The following CNNM2 variants were observed in gnomAD, a reference collection of about 807,000 sequenced individuals.
The protein encoded by CNNM2 is cyclin and CBS domain divalent metal cation transport mediator 2.
A neutral mutation model predicts 66.9 loss-of-function variants in CNNM2; 12 were observed. The observed-to-expected ratio is 0.18, with a 90% confidence interval of 0.11 to 0.29. The LOEUF is 0.29. CNNM2 is among the 10% of genes least tolerant of loss of function. The pLI is 1.00. For synonymous variants in CNNM2, 557 were observed against 501.8 expected, an observed-to-expected ratio of 1.11 and a Z score of -1.47; for missense variants, 705 against 1,167.7, an observed-to-expected ratio of 0.60 and a Z score of 5.77.
chr10:102,960,059 T>TAAAA (rs1322504168), intron 1 of CNNM2, among the ~76,000 whole-genome samples: 1 of 147,134 alleles, frequency 6.8e-6, no homozygotes, highest in Non-Finnish European at 1.5e-5. Context: ...CTCAAAAAAA[T>TAAAA]AAAAAATAAA....
At chr10:102,946,429 CTTTTAGGGATA>C in intron 1 of CNNM2, among the ~76,000 whole-genome samples, 1 of 152,144 alleles carries the variant, frequency 6.6e-6, no homozygotes, top group Non-Finnish European at 1.5e-5. Context: ...TTCCATTTTG[CTTTTAGGGATA>C]CCTAAAAGCA....
intron 1 of CNNM2, among the ~76,000 whole-genome samples, chr10:103,019,645 C>A (rs960798864): frequency 6.6e-6 from 1 of 152,116 alleles, no homozygotes; most frequent in African/African-American, 2.4e-5. Flanking sequence ...TCCTCCCAAT[C>A]CTGTGGAGGT....
intron 1 of CNNM2, among the ~76,000 whole-genome samples, chr10:103,028,925 C>T (rs2064767048): frequency 6.8e-6 from 1 of 147,348 alleles, no homozygotes; most frequent in African/African-American, 2.5e-5. Context: ...CAGGTTCAAT[C>T]GATTGTCATG....
chr10:103,031,847 C>CT (rs1564852939), intron 1 of CNNM2, among the ~76,000 whole-genome samples: 1 of 148,902 alleles, frequency 6.7e-6, no homozygotes, highest in Non-Finnish European at 1.5e-5. Flanking sequence ...GCGGGGGGGG[C>CT]GTGAGGGGAT....
intron 2 of CNNM2, among the ~76,000 whole-genome samples, chr10:103,050,643 A>T (rs760503322): frequency 1.3e-5 from 2 of 151,798 alleles, no homozygotes; most frequent in Non-Finnish European, 2.9e-5. Context: ...GAGATGTGCA[A>T]GTGTAGCTTG....
At chr10:103,039,400 G>A (rs533555641) in intron 1 of CNNM2, among the ~76,000 whole-genome samples, 1 of 152,284 alleles carries the variant, frequency 6.6e-6, no homozygotes, top group South Asian at 2.1e-4. Context: ...GCCTCCCAAA[G>A]TGCTGGGATT....
rs1195893983 is a variant in CNNM2, at chr10:103,087,185, A to G, written c.*10005A>G. ...TTTTTTTTTTTTTAAGGAAAAAAGT[A>G]TACCTTTTAAGTTCAGCTTCCTTAA... On this transcript the variant is annotated 3_prime_UTR_variant, in exon 8 of 8. Transcript: ENST00000369878. 1 of 97,508 alleles carries G rather than the reference A, an allele frequency of 1.0e-5. No homozygotes were observed. Among genetic ancestry groups the G allele is most frequent in the Admixed American group, 1.3e-4 (1 of 7,604 alleles). The allele number at this position is 97,508 out of a possible 1,614,324, so 6.0% of individuals were successfully genotyped here.
At chr10:102,936,909 A>G (rs912328488) in intron 1 of CNNM2, among the ~76,000 whole-genome samples, 2 of 152,214 alleles carry the variant, frequency 1.3e-5, no homozygotes, top group Non-Finnish European at 2.9e-5. Flanking sequence ...CAGAATTGAA[A>G]TGTATTTAGA....
intron 1 of CNNM2, among the ~76,000 whole-genome samples, chr10:103,014,879 A>G (rs531574514): frequency 6.6e-5 from 10 of 151,100 alleles, no homozygotes; most frequent in Non-Finnish European, 1.5e-4. Flanking sequence ...GTGGCAGAGC[A>G]CTACCCTGTC....
At chr10:102,929,115 C>T (rs1372110538) in intron 1 of CNNM2, among the ~76,000 whole-genome samples, 1 of 152,078 alleles carries the variant, frequency 6.6e-6, no homozygotes, top group African/African-American at 2.4e-5. Flanking sequence ...CAAAAATTAG[C>T]CGGGCGTGGT....
At chr10:103,025,623 T>G (rs2064686962) in intron 1 of CNNM2, among the ~76,000 whole-genome samples, 1 of 152,244 alleles carries the variant, frequency 6.6e-6, no homozygotes, top group Non-Finnish European at 1.5e-5. Flanking sequence ...GCTTACTGAT[T>G]CGTGTTTCAT....
intron 1 of CNNM2, among the ~76,000 whole-genome samples, chr10:102,989,733 C>T (rs1055944863): frequency 9.2e-5 from 14 of 151,778 alleles, no homozygotes; most frequent in East Asian, 3.9e-4. Context: ...ACCCAGGAGA[C>T]GGAGGTTGCA....
chr10:103,067,053 A>G (rs879639619), intron 4 of CNNM2, among the ~76,000 whole-genome samples: 9 of 152,088 alleles, frequency 5.9e-5, no homozygotes, highest in Admixed American at 2.0e-4. Context: ...TTGTAATTGG[A>G]AACTTAATAT....
intron 4 of CNNM2, among the ~76,000 whole-genome samples, chr10:103,067,435 G>A (rs2065498957): frequency 6.6e-6 from 1 of 152,140 alleles, no homozygotes; most frequent in Admixed American, 6.5e-5. Flanking sequence ...CTGATTTGTA[G>A]GAGGGCAATG....
chr10:103,022,750 G>C (rs777839377), intron 1 of CNNM2, among the ~76,000 whole-genome samples: 2 of 152,114 alleles, frequency 1.3e-5, no homozygotes, highest in Admixed American at 6.5e-5. Flanking sequence ...GTTTATTTTG[G>C]CATATGGTTC....
chr10:102,971,772 C>T (rs1230617411), intron 1 of CNNM2, among the ~76,000 whole-genome samples: 2 of 152,082 alleles, frequency 1.3e-5, no homozygotes, highest in African/African-American at 4.8e-5. Context: ...AAGTAATGTC[C>T]GTGTGTTTCA....
Position 103,056,925 on chromosome 10 carries a change from G to A in CNNM2, c.2034G>A (p.Gln678=). ...NKKAPEYYLY[Q]RNKPVDYFVL... ...AAGCCCCCGAATACTACCTCTACCA[G>A]CGCAACAAGCCAGTAGACTACTTCG... Residue 678 remains glutamine, a synonymous_variant, in exon 4 of 8, where the codon CAG becomes CAA. Transcript: ENST00000369878. 6.2e-7 allele frequency: 1 copy of A among 1,613,688 alleles called. No homozygotes were observed.
chr10:102,919,008 G>T lies in CNNM2; in HGVS notation c.528G>T (p.Glu176Asp), dbSNP rs1363448030. 1.2e-6 allele frequency: 2 copies of T among 1,612,828 alleles called. No homozygotes were observed. Among genetic ancestry groups the T allele is most frequent in the East Asian group, 4.5e-5 (2 of 44,840 alleles). The part of the protein sequence containing the change: ...NRRTSGIIEI[E>D]IKPLRKMEKS... Reference sequence around the variant, plus strand: ...GCACCTCGGGCATCATCGAGATCGAGATCAAACCGCTACGCAAGATGGAGA... The same window carrying T: ...GCACCTCGGGCATCATCGAGATCGATATCAAACCGCTACGCAAGATGGAGA... The change falls in exon 1 of 8, where the codon GAG becomes GAT. Residue 176 changes from glutamate to aspartate, a missense_variant. Around this residue, in one of 9 missense-constraint regions of CNNM2, gnomAD observed 100 missense variants for 151.9 expected, o/e 0.66. Transcript: ENST00000369878.
chr10:103,000,760 G>A, intron 1 of CNNM2, among the ~76,000 whole-genome samples: 1 of 152,116 alleles, frequency 6.6e-6, no homozygotes, highest in East Asian at 1.9e-4. Context: ...TTGTATTTTA[G>A]TAGAGATGGG....
Sources: gnomAD v4.1 joint callset for allele counts (sites outside exome capture counted in the v4.1 genomes callset) on GRCh38, gnomAD v4.1.1 for gene constraint, gnomAD v4.1.1 regional missense constraint, MANE v1.5 for transcripts, NCBI Gene and HGNC (gene_info 2026-07-23, HGNC 2026-07-21) for gene names.